SYNE1: variants seen among roughly 807,000 people sequenced by gnomAD.
SYNE1 encodes the protein nesprin-1.
A neutral mutation model predicts 1,111.0 loss-of-function variants in SYNE1; 616 were observed. The ratio of observed to expected loss-of-function variants is 0.55; its 90% CI spans 0.52 to 0.59. The LOEUF is 0.59. Ranked by LOEUF, SYNE1 falls within the 20% of genes least tolerant of loss-of-function variation. SYNE1 has a pLI of 0.00. For missense variants in SYNE1, 10,006 were observed against 10,417.0 expected, an observed-to-expected ratio of 0.96 and a Z score of 1.72; for synonymous variants, 3,855 against 3,825.8, an observed-to-expected ratio of 1.01 and a Z score of -0.28.
intron 56 of SYNE1, chr6:152,380,668 T>C (rs1591539693): frequency 3.0e-6 from 1 of 331,910 alleles, no homozygotes; most frequent in East Asian, 8.1e-5. Flanking sequence ...CAGCTATGAC[T>C]CTCTGTCTAT....
chr6:152,404,179 G>C, intron 46 of SYNE1, 34 bp downstream of exon 46: 1 of 1,479,374 alleles, frequency 6.8e-7, no homozygotes, highest in Non-Finnish European at 9.4e-7. Context: ...TTACAAAATG[G>C]ATGGAAGTCT....
chr6:152,635,606 T>G (rs558304263), intron 2 of SYNE1, among the ~76,000 whole-genome samples: 1 of 152,308 alleles, frequency 6.6e-6, no homozygotes, highest in South Asian at 2.1e-4. Context: ...TCATTGAAAA[T>G]TATTATACTT....
chr6:152,455,133 T>C (rs1184912360), intron 24 of SYNE1, among the ~76,000 whole-genome samples: 1 of 152,210 alleles, frequency 6.6e-6, no homozygotes, highest in African/African-American at 2.4e-5. Flanking sequence ...TCTTTAGTTA[T>C]AGAAGAATTT....
At chr6:152,251,710 G>C (rs2089329503) in intron 104 of SYNE1, among the ~76,000 whole-genome samples, 1 of 151,842 alleles carries the variant, frequency 6.6e-6, no homozygotes, top group Admixed American at 6.6e-5. Flanking sequence ...AGTGAGCCGA[G>C]ATCCCGCCAC....
rs2080030895 is a variant in SYNE1 at position 152,220,912 on chromosome 6, T to A, written c.21791A>T (p.Glu7264Val). 6.2e-7 allele frequency: 1 copy of A among 1,614,048 alleles called. No individual in the cohort carries two copies. Among genetic ancestry groups the A allele is most frequent in the African/African-American group, 1.3e-5 (1 of 74,934 alleles). ...CTTGTTTGTGGCTGCCTTCAACAGC[T>A]CATTGGTTCGATCCTCCTGCTGCTG... The part of the protein sequence containing the change: ...TVQQQEDRTN[E>V]LLKAATNKDI... Residue 7264 changes from glutamate to valine, a missense_variant, in exon 119 of 146, where the codon GAG becomes GTG. Physicochemically the swap from Glu to Val is moderately radical, Grantham distance 121 (BLOSUM62 -2). Transcript: ENST00000367255.
At chr6:152,323,445 C>G (rs766544673) in intron 82 of SYNE1, 33 bp downstream of exon 82, 2 of 1,606,836 alleles carry the variant, frequency 1.2e-6, no homozygotes, top group Non-Finnish European at 1.7e-6. Flanking sequence ...AACAAACAAA[C>G]AAACAAAAGA....
At chr6:152,381,391 AAG>A in intron 55 of SYNE1, 29 bp from the exon 56 acceptor site, 1 of 1,607,382 alleles carries the variant, frequency 6.2e-7, no homozygotes, top group Non-Finnish European at 8.5e-7. Flanking sequence ...ATGGTAACTG[AAG>A]AGCCTGTGAG....
chr6:152,588,910 C>T (rs2099549014), intron 3 of SYNE1, among the ~76,000 whole-genome samples: 1 of 152,008 alleles, frequency 6.6e-6, no homozygotes, highest in African/African-American at 2.4e-5. Flanking sequence ...ACATAACAAG[C>T]AAGAAATCAG....
intron 109 of SYNE1, among the ~76,000 whole-genome samples, 159 bp downstream of exon 109, chr6:152,236,658 T>C (rs572857898): frequency 4.6e-5 from 7 of 152,334 alleles, no homozygotes; most frequent in African/African-American, 1.7e-4. Context: ...CTTTTAATAA[T>C]GTCCAACTAT....
At chr6:152,407,327 G>A in intron 44 of SYNE1, 131 bp from the exon 45 acceptor site, 1 of 890,842 alleles carries the variant, frequency 1.1e-6, no homozygotes, top group Non-Finnish European at 1.8e-6. Flanking sequence ...AAAAATTATT[G>A]TAATCTAATA....
intron 100 of SYNE1, among the ~76,000 whole-genome samples, chr6:152,267,111 T>C (rs13207814): frequency 6.6e-6 from 1 of 152,196 alleles, no homozygotes; most frequent in Non-Finnish European, 1.5e-5. Context: ...GTAGTGAGCA[T>C]TTATGTCTTT....
intron 144 of SYNE1, among the ~76,000 whole-genome samples, chr6:152,131,626 G>A (rs921901737): frequency 3.3e-5 from 5 of 152,136 alleles, no homozygotes; most frequent in African/African-American, 9.7e-5. Context: ...TTTAGGGGTG[G>A]CACAACTGCC....
At chr6:152,579,599 T>C (rs2099512598) in intron 3 of SYNE1, among the ~76,000 whole-genome samples, 2 of 152,188 alleles carry the variant, frequency 1.3e-5, no homozygotes, top group Non-Finnish European at 2.9e-5. Context: ...GGGTTTACTA[T>C]ACAGATTATT....
At chr6:152,190,798 A>G (rs187716272) in intron 127 of SYNE1, among the ~76,000 whole-genome samples, 112 of 152,300 alleles carry the variant, frequency 7.4e-4, no homozygotes, top group African/African-American at 2.4e-3. Flanking sequence ...ACTCCCACAC[A>G]TAAGTGAAAA....
chr6:152,486,881 C>G (rs557224695), intron 12 of SYNE1, among the ~76,000 whole-genome samples: 1 of 151,958 alleles, frequency 6.6e-6, no homozygotes, highest in Non-Finnish European at 1.5e-5. Context: ...TTCATTTGAC[C>G]TTTTTCTGTA....
intron 32 of SYNE1, among the ~76,000 whole-genome samples, chr6:152,437,775 T>C (rs1043169186): frequency 1.3e-5 from 2 of 152,128 alleles, no homozygotes; most frequent in Admixed American, 6.5e-5. Flanking sequence ...TCAACTCCCT[T>C]CTCCTAAATG....
chr6:152,601,647 C>G (rs1165317925), intron 3 of SYNE1, among the ~76,000 whole-genome samples: 1 of 152,192 alleles, frequency 6.6e-6, no homozygotes, highest in Non-Finnish European at 1.5e-5. Context: ...TAAACACCCA[C>G]AGAAAACACG....
chr6:152,525,954 T>C (rs2099161585), intron 5 of SYNE1, 126 bp downstream of exon 5: 10 of 834,446 alleles, frequency 1.2e-5, no homozygotes, highest in South Asian at 5.7e-5. Flanking sequence ...GTTTCCAGTA[T>C]ACTACCAACC....
At chr6:152,311,977 G>A (rs1412747151) in intron 87 of SYNE1, among the ~76,000 whole-genome samples, 1 of 152,044 alleles carries the variant, frequency 6.6e-6, no homozygotes, top group Non-Finnish European at 1.5e-5. Context: ...GCAGAGACGG[G>A]GTTTCATCGT....
Sources: gnomAD v4.1 joint callset for allele counts (sites outside exome capture counted in the v4.1 genomes callset) on GRCh38, gnomAD v4.1.1 for gene constraint, MANE v1.5 for transcripts, NCBI Gene and HGNC (gene_info 2026-07-23, HGNC 2026-07-21) for gene names.